Variants in THADA observed in about 807,000 individuals in gnomAD.
THADA encodes tRNA (32-2'-O)-methyltransferase regulator THADA.
Under a neutral mutation model 219.8 loss-of-function variants are expected in THADA, and 213 were observed. That is an observed-to-expected ratio of 0.97 (90% CI 0.87 to 1.09). THADA has a LOEUF of 1.09. Ranked by LOEUF, THADA falls within the 50% of genes least tolerant of loss-of-function variation. The probability of loss-of-function intolerance (pLI) is 0.00; values close to 1 mark genes in which losing one functional copy is unlikely to be tolerated. For missense variants in THADA, 2,956 were observed against 2,311.3 expected (o/e 1.28, Z -5.72); for synonymous variants, 1,018 against 828.9 (o/e 1.23, Z -3.92).
intron 29 of THADA, among the ~76,000 whole-genome samples, chr2:43,364,399 G>T (rs1558643620): frequency 1.3e-5 from 2 of 152,056 alleles, no homozygotes; most frequent in East Asian, 3.9e-4. Flanking sequence ...TTAGTTCTTT[G>T]TTGTCAGGTA....
chr2:43,519,701 C>G (rs1692171734), intron 22 of THADA, among the ~76,000 whole-genome samples: 1 of 152,202 alleles, frequency 6.6e-6, no homozygotes, highest in Non-Finnish European at 1.5e-5. Context: ...ATCTGGCACA[C>G]AGTAGATGTT....
At chr2:43,288,065 C>A (rs1221186504) in intron 34 of THADA, among the ~76,000 whole-genome samples, 1 of 152,188 alleles carries the variant, frequency 6.6e-6, no homozygotes, top group African/African-American at 2.4e-5. Context: ...GATACATTGG[C>A]TTTGGACTGT....
At chr2:43,362,668 T>C (rs907959228) in intron 29 of THADA, among the ~76,000 whole-genome samples, 1 of 152,178 alleles carries the variant, frequency 6.6e-6, no homozygotes. Context: ...TACTGTATAC[T>C]TAGGCTACAC....
At chr2:43,367,660 G>GT (rs1026824929) in intron 29 of THADA, among the ~76,000 whole-genome samples, 6 of 152,212 alleles carry the variant, frequency 3.9e-5, no homozygotes, top group African/African-American at 1.4e-4. Context: ...CAAGATTGTA[G>GT]TAACTGTGGG....
intron 29 of THADA, among the ~76,000 whole-genome samples, chr2:43,386,538 T>G (rs1202641354): frequency 6.6e-6 from 1 of 152,188 alleles, no homozygotes; most frequent in African/African-American, 2.4e-5. Context: ...TACTACTGAC[T>G]TTCTAGACAT....
chr2:43,496,136 A>G (rs1321208124), intron 25 of THADA, among the ~76,000 whole-genome samples: 1 of 151,968 alleles, frequency 6.6e-6, no homozygotes, highest in Non-Finnish European at 1.5e-5. Context: ...TCTAGTAAAT[A>G]CTCCACTCTG....
chr2:43,231,382 G>T (rs1667397667), intron 37 of THADA, 39 bp from the exon 38 acceptor site: 2 of 1,475,266 alleles, frequency 1.4e-6, no homozygotes, highest in Non-Finnish European at 1.8e-6. Context: ...GTCTTACAGG[G>T]AATGGTGACA....
rs774144939 is a variant in THADA, at chr2:43,591,079, G to C, written c.172-125C>G. ...CTCACCCCTGTAATCCCAACACTTT[G>C]GGAGGCTGAGGTGGGCAGATCGCTT... On this transcript the variant is annotated intron_variant, in intron 3 of 37. Coordinates refer to ENST00000405975, the MANE Select transcript of THADA (RefSeq NM_022065.5). The C allele has an allele frequency of 3.0e-4, 252 of 842,298 alleles. 1 individual carries two copies. The highest frequency in any genetic ancestry group is 4.3e-4 in the Non-Finnish European group (241 of 562,724). 52.2% of individuals were successfully genotyped at this position (842,298 alleles called of 1,614,324 possible).
At chr2:43,489,811 CTTTTTCAAGATTGT>C (rs1200143543) in intron 25 of THADA, among the ~76,000 whole-genome samples, 1 of 127,818 alleles carries the variant, frequency 7.8e-6, no homozygotes, top group Non-Finnish European at 1.6e-5. Flanking sequence ...CAACTTTGTT[CTTTTTCAAGATTGT>C]TTTGGCTATT....
chr2:43,510,606 T>G (rs573001732), intron 22 of THADA, among the ~76,000 whole-genome samples: 1 of 151,126 alleles, frequency 6.6e-6, no homozygotes, highest in South Asian at 2.1e-4. Flanking sequence ...CTAAGAGTAA[T>G]TACTTAAGTG....
At chr2:43,449,446 C>T (rs1469957484) in intron 26 of THADA, among the ~76,000 whole-genome samples, 1 of 152,132 alleles carries the variant, frequency 6.6e-6, no homozygotes, top group East Asian at 1.9e-4. Context: ...TGATGAAAGA[C>T]AGGAATATAA....
At chr2:43,349,668 T>A (rs892564642) in intron 29 of THADA, among the ~76,000 whole-genome samples, 10 of 152,144 alleles carry the variant, frequency 6.6e-5, no homozygotes, top group African/African-American at 2.4e-4. Context: ...AGGACAAGGT[T>A]AGACAGGCTA....
intron 36 of THADA, among the ~76,000 whole-genome samples, chr2:43,252,634 C>T (rs1157970865): frequency 6.6e-6 from 1 of 152,182 alleles, no homozygotes; most frequent in Non-Finnish European, 1.5e-5. Context: ...CTGACCACAT[C>T]CTTGACCTTG....
chr2:43,417,605 G>T (rs1013822530), intron 28 of THADA, among the ~76,000 whole-genome samples: 2 of 152,200 alleles, frequency 1.3e-5, no homozygotes, highest in Non-Finnish European at 2.9e-5. Flanking sequence ...AGAAAGCAAA[G>T]TAAGTCCAAA....
intron 24 of THADA, 97 bp downstream of exon 24, chr2:43,505,525 G>A (rs908277782): frequency 1.6e-5 from 14 of 896,294 alleles, no homozygotes; most frequent in Non-Finnish European, 2.2e-5. Flanking sequence ...CTGTACTCCA[G>A]CCTGGGTAAC....
In THADA at chr2:43,571,337, CG is replaced by C. The variant is rs1164181450; in HGVS notation, c.2064+369del. 2.6e-5 allele frequency among the ~76,000 whole-genome samples: 4 copies of C among 151,250 alleles called. No individual in the cohort carries two copies. In the East Asian group the frequency reaches 7.8e-4, roughly 30 times the overall value. ...TACAATCTCGGCTCACTGCAACCTC[CG>C]CTCCTAGGTTCAAGCAATTCTCCTG... On this transcript the variant is annotated intron_variant, in intron 13 of 37. Coordinates refer to ENST00000405975, the MANE Select transcript of THADA (RefSeq NM_022065.5).
At chr2:43,438,504 C>T (rs1279309944) in intron 26 of THADA, among the ~76,000 whole-genome samples, 2 of 152,174 alleles carry the variant, frequency 1.3e-5, no homozygotes, top group Admixed American at 1.3e-4. Flanking sequence ...AAGAATGCTA[C>T]TCCAAGGTAA....
At chr2:43,439,208 C>T (rs1430968649) in intron 26 of THADA, among the ~76,000 whole-genome samples, 3 of 152,114 alleles carry the variant, frequency 2.0e-5, no homozygotes, top group African/African-American at 4.8e-5. Flanking sequence ...CAGAACTAAA[C>T]AATTCATAAG....
chr2:43,477,023 T>C (rs1685632346), intron 26 of THADA, among the ~76,000 whole-genome samples: 2 of 152,220 alleles, frequency 1.3e-5, no homozygotes, highest in African/African-American at 4.8e-5. Context: ...TACATTTTTA[T>C]CTGACAATGT....
Sources: allele counts gnomAD v4.1 joint callset (sites outside exome capture counted in the v4.1 genomes callset), GRCh38; gene constraint gnomAD v4.1.1; transcripts MANE v1.5; gene names NCBI Gene and HGNC (gene_info 2026-07-23, HGNC 2026-07-21).